Variants in ARHGEF10L observed in about 807,000 individuals in gnomAD.
The protein encoded by ARHGEF10L is Rho guanine nucleotide exchange factor 10 like, also known as rho guanine nucleotide exchange factor 10-like protein.
A neutral mutation model predicts 141.2 loss-of-function variants in ARHGEF10L; 69 were observed. The observed-to-expected ratio is 0.49, with a 90% CI of 0.40 to 0.60. The LOEUF (loss-of-function observed/expected upper bound fraction) is 0.60. ARHGEF10L is among the 20% of genes least tolerant of loss of function. ARHGEF10L has a pLI of 0.00. For missense variants in ARHGEF10L, 1,482 were observed against 1,734.3 expected (o/e 0.85, Z 2.58); for synonymous variants, 711 against 718.5 (o/e 0.99, Z 0.17).
chr1:17,686,078 T>TTTTCTTTCTTTC (rs537589890), intron 26 of ARHGEF10L, among the ~76,000 whole-genome samples: 30 of 140,600 alleles, frequency 2.1e-4, no homozygotes, highest in Middle Eastern at 3.6e-3. Flanking sequence ...GTTTTGTTTT[T>TTTTCTTTCTTTC]TTTCTTTCTT....
intron 27 of ARHGEF10L, 30 bp from the exon 28 acceptor site, chr1:17,695,128 G>A (rs771568864): frequency 9.3e-6 from 15 of 1,611,190 alleles, no homozygotes; most frequent in Non-Finnish European, 1.1e-5. Context: ...CCCCAGGAGG[G>A]CACTGCTCAG....
At chr1:17,586,528 G>A (rs2079038682) in intron 2 of ARHGEF10L, among the ~76,000 whole-genome samples, 1 of 152,192 alleles carries the variant, frequency 6.6e-6, no homozygotes, top group Admixed American at 6.5e-5. Context: ...AGTCTTCTAG[G>A]AAGAGGACTG....
At chr1:17,588,373 G>T in intron 3 of ARHGEF10L, 73 bp from the exon 4 acceptor site, 2 of 1,567,130 alleles carry the variant, frequency 1.3e-6, no homozygotes, top group Non-Finnish European at 1.8e-6. Flanking sequence ...GGCTGGGAAA[G>T]GGGCGGGGAA....
chr1:17,618,535 TG>T, intron 9 of ARHGEF10L: 1 of 1,402,238 alleles, frequency 7.1e-7, no homozygotes. Flanking sequence ...AAGGGCCTAT[TG>T]GGGTGTCTCT....
At chr1:17,565,934 G>A (rs1035420635) in intron 1 of ARHGEF10L, among the ~76,000 whole-genome samples, 2 of 152,108 alleles carry the variant, frequency 1.3e-5, no homozygotes, top group East Asian at 1.9e-4. Context: ...ACACAAGTAG[G>A]TCGTGGTCTC....
chr1:17,634,685 C>G, intron 17 of ARHGEF10L, 123 bp downstream of exon 17: 1 of 1,472,314 alleles, frequency 6.8e-7, no homozygotes, highest in Non-Finnish European at 9.1e-7. Flanking sequence ...CGAGGGATCC[C>G]TGCTCTGCCT....
At position 17,576,840 on chromosome 1, in the gene ARHGEF10L, C is replaced by T. The variant is rs778298800; in HGVS notation, c.-43-3713C>T. Among the ~76,000 whole-genome samples the T allele has an allele frequency of 3.9e-5, 6 of 152,194 alleles. No individual in the cohort carries two copies. In the East Asian group the frequency reaches 5.8e-4, roughly 15 times the overall value. The stretch of plus-strand genomic sequence containing the variant: ...GCTGGGATTTGAACCTGAATCATCC[C>T]GGCACCAAATCCTATCCTCTAAACG... On this transcript the variant is annotated intron_variant, in intron 1 of 28. Coordinates refer to ENST00000361221, the MANE Select transcript of ARHGEF10L (RefSeq NM_018125.4).
chr1:17,614,911 G>A (rs1156806334), intron 8 of ARHGEF10L, among the ~76,000 whole-genome samples: 4 of 152,020 alleles, frequency 2.6e-5, no homozygotes, highest in Non-Finnish European at 4.4e-5. Context: ...ACTTAAGTGG[G>A]GACCAAAGGG....
At chr1:17,622,972 G>A in intron 11 of ARHGEF10L, 24 bp from the exon 12 acceptor site, 4 of 1,601,432 alleles carry the variant, frequency 2.5e-6, no homozygotes, top group Non-Finnish European at 3.4e-6. Flanking sequence ...CTGGCCTGCG[G>A]CCTCACCCCG....
At chr1:17,514,214 G>C in the ARHGEF10L span, among the ~76,000 whole-genome samples, 1 of 122,390 alleles carries the variant, frequency 8.2e-6, no homozygotes. Context: ...TCAGCTTACT[G>C]CAACCCCGCC....
intron 1 of ARHGEF10L, among the ~76,000 whole-genome samples, chr1:17,541,194 T>C (rs1450608780): frequency 6.6e-6 from 1 of 152,166 alleles, no homozygotes; most frequent in Non-Finnish European, 1.5e-5. Context: ...TGGGCTGTTC[T>C]CTCTATCCAG....
chr1:17,574,461 C>T (rs919992344), intron 1 of ARHGEF10L, among the ~76,000 whole-genome samples: 3 of 152,118 alleles, frequency 2.0e-5, no homozygotes, highest in Non-Finnish European at 2.9e-5. Flanking sequence ...TGGCAGGAAC[C>T]GTGGGAAGGA....
intron 2 of ARHGEF10L, among the ~76,000 whole-genome samples, chr1:17,585,973 TTC>T (rs1484769119): frequency 6.6e-6 from 1 of 152,196 alleles, no homozygotes; most frequent in African/African-American, 2.4e-5. Flanking sequence ...TACCCAGTGG[TTC>T]TCTGATAGTG....
chr1:17,659,798 G>A (rs1035841256), intron 25 of ARHGEF10L, among the ~76,000 whole-genome samples: 3 of 152,238 alleles, frequency 2.0e-5, no homozygotes, highest in Non-Finnish European at 4.4e-5. Flanking sequence ...GCCATGCTTT[G>A]GCTTATTGGA....
chr1:17,545,986 C>G (rs1459051614), intron 1 of ARHGEF10L, among the ~76,000 whole-genome samples: 4 of 152,160 alleles, frequency 2.6e-5, no homozygotes, highest in South Asian at 2.1e-4. Context: ...CAGTCTGGCT[C>G]TGGTGTCAGG....
chr1:17,695,935 A>G (rs564441323), intron 28 of ARHGEF10L, among the ~76,000 whole-genome samples: 1 of 152,006 alleles, frequency 6.6e-6, no homozygotes, highest in Non-Finnish European at 1.5e-5. Context: ...GGTGGCTCAC[A>G]CCTGTAATCC....
intron 26 of ARHGEF10L, among the ~76,000 whole-genome samples, chr1:17,677,770 C>A (rs2063816875): frequency 6.6e-6 from 1 of 152,234 alleles, no homozygotes; most frequent in Non-Finnish European, 1.5e-5. Context: ...GAAACCAAGG[C>A]AGGAAGTGGT....
chr1:17,620,775 G>T (rs1304641273), intron 10 of ARHGEF10L, among the ~76,000 whole-genome samples: 1 of 152,164 alleles, frequency 6.6e-6, no homozygotes, highest in Non-Finnish European at 1.5e-5. Flanking sequence ...AGAGGGATGG[G>T]CTCCCCTTCA....
At chr1:17,526,087 C>T in the ARHGEF10L span, among the ~76,000 whole-genome samples, 39 of 152,100 alleles carry the variant, frequency 2.6e-4, no homozygotes, top group South Asian at 7.1e-3. Flanking sequence ...CCATCTCCCA[C>T]CCCCTATTCC....
Sources: allele counts gnomAD v4.1 joint callset (sites outside exome capture counted in the v4.1 genomes callset), GRCh38; gene constraint gnomAD v4.1.1; transcripts MANE v1.5; gene names NCBI Gene and HGNC (gene_info 2026-07-23, HGNC 2026-07-21).